Variants in SDK2 observed in about 807,000 individuals in gnomAD.
SDK2 encodes protein sidekick-2.
Under a neutral mutation model 253.9 loss-of-function variants are expected in SDK2, and 105 were observed. That is an observed-to-expected ratio of 0.41 (90% CI 0.35 to 0.49). The LOEUF (loss-of-function observed/expected upper bound fraction) is 0.49, where lower values mean the gene tolerates loss of function less well. Ranked by LOEUF, SDK2 falls within the 20% of genes least tolerant of loss-of-function variation. SDK2 has a pLI of 0.06. For synonymous variants in SDK2, 1,249 were observed against 1,234.9 expected (o/e 1.01, Z -0.24); for missense variants, 2,608 against 3,003.0 (o/e 0.87, Z 3.07).
chr17:73,537,378 C>A (rs1387478365), intron 1 of SDK2, among the ~76,000 whole-genome samples: 1 of 152,094 alleles, frequency 6.6e-6, no homozygotes, highest in African/African-American at 2.4e-5. Context: ...GGCTCACCTC[C>A]CCCTTCTGCC....
chr17:73,639,029 C>T lies in SDK2; in HGVS notation c.64+4996G>A, dbSNP rs1189925236. 6.6e-6 allele frequency among the ~76,000 whole-genome samples: 1 copy of T among 152,094 alleles called. No homozygotes were observed. Among genetic ancestry groups the T allele is most frequent in the Admixed American group, 6.5e-5 (1 of 15,270 alleles). ...TTCCCCACGTTGGCCAGGCTGGTCT[C>T]GAACTCCTGACCTCAAGTGATCTGC... On this transcript the variant is annotated intron_variant, in intron 1 of 44. Transcript: ENST00000392650. This position sits in a 1 kb window ranked among gnomAD's most constrained non-coding sequence, Gnocchi z 4.3.
intron 29 of SDK2, among the ~76,000 whole-genome samples, chr17:73,388,781 TC>T (rs2062897089): frequency 1.9e-5 from 1 of 53,066 alleles, no homozygotes; most frequent in Non-Finnish European, 4.8e-5. Context: ...TCTCCTTCCT[TC>T]CTTCCTTCCC....
chr17:73,477,200 A>G (rs745691234), intron 2 of SDK2, among the ~76,000 whole-genome samples: 3 of 151,762 alleles, frequency 2.0e-5, no homozygotes, highest in African/African-American at 7.3e-5. Context: ...ATTATCCCCA[A>G]TGCGCTCCCT....
chr17:73,348,925 C>A (rs9906342), intron 43 of SDK2, among the ~76,000 whole-genome samples, 200 bp from the exon 44 acceptor site: 115,158 of 152,162 alleles, frequency 0.76, 44,405 homozygotes, highest in East Asian at 0.84. Context: ...AAATGGGGTG[C>A]CCGGCTAATG....
At chr17:73,394,101 C>A (rs948322857) in intron 26 of SDK2, 108 bp downstream of exon 26, 4 of 616,588 alleles carry the variant, frequency 6.5e-6, no homozygotes, top group Admixed American at 3.4e-5. Flanking sequence ...TCCCCTGTAT[C>A]CACTCTAGGA....
At chr17:73,509,357 C>T (rs900023017) in intron 1 of SDK2, among the ~76,000 whole-genome samples, 7 of 152,298 alleles carry the variant, frequency 4.6e-5, no homozygotes, top group East Asian at 3.9e-4. Flanking sequence ...CCCTAAAGTA[C>T]GGTGTCCCCT....
intron 1 of SDK2, among the ~76,000 whole-genome samples, chr17:73,601,046 A>G (rs959392379): frequency 1.3e-5 from 2 of 149,304 alleles, no homozygotes; most frequent in Non-Finnish European, 3.0e-5. Context: ...TTGAGATGGC[A>G]TCTCACTCTG....
chr17:73,334,557 T>A lies in SDK2; in HGVS notation c.*4030A>T, dbSNP rs1045275934. ...TTTTCTTACAGACAGACACCTGCCA[T>A]AATGAATACTCTCCCCATAATTTTT... On this transcript the variant is annotated 3_prime_UTR_variant, in exon 45 of 45. Transcript: ENST00000392650. 1.3e-5 allele frequency: 2 copies of A among 152,234 alleles called. No individual in the cohort carries two copies. Among genetic ancestry groups the A allele is most frequent in the Admixed American group, 6.5e-5 (1 of 15,280 alleles). 9.4% of individuals were successfully genotyped at this position (152,234 alleles called of 1,614,324 possible). A position where few individuals can be genotyped will look rare whatever the true frequency, so the allele number is the denominator to read the frequency against.
intron 1 of SDK2, among the ~76,000 whole-genome samples, chr17:73,594,905 TAC>T (rs1008784942): frequency 6.6e-6 from 1 of 151,506 alleles, no homozygotes; most frequent in Non-Finnish European, 1.5e-5. Context: ...CATATACAAA[TAC>T]ACACAGCACA....
chr17:73,619,570 A>G (rs1357741915), intron 1 of SDK2, among the ~76,000 whole-genome samples: 1 of 152,234 alleles, frequency 6.6e-6, no homozygotes, highest in African/African-American at 2.4e-5. Context: ...CCTACCTCAC[A>G]TCATATACAA....
chr17:73,424,994 T>A (rs1467115779), intron 12 of SDK2, among the ~76,000 whole-genome samples: 3 of 152,060 alleles, frequency 2.0e-5, no homozygotes, highest in Admixed American at 6.5e-5. Flanking sequence ...CCGAGGTGGG[T>A]GTATCACCTG....
At chr17:73,434,942 C>T (rs1410679979) in intron 9 of SDK2, among the ~76,000 whole-genome samples, 1 of 140,024 alleles carries the variant, frequency 7.1e-6, no homozygotes, top group Non-Finnish European at 1.6e-5. Context: ...CAGTTATCAC[C>T]TTTGATTGCT....
chr17:73,421,977 C>T (rs2063235335), intron 15 of SDK2, among the ~76,000 whole-genome samples: 1 of 152,038 alleles, frequency 6.6e-6, no homozygotes, highest in Non-Finnish European at 1.5e-5. Context: ...ATCCATTTAA[C>T]AATGACAGCA....
intron 4 of SDK2, among the ~76,000 whole-genome samples, chr17:73,452,561 G>T (rs1261156467): frequency 1.3e-5 from 2 of 152,150 alleles, no homozygotes; most frequent in Admixed American, 1.3e-4. Context: ...TGAGGACAGA[G>T]GCTTGGAATG....
In SDK2 at chr17:73,580,271, C is replaced by T. The variant is rs551896010; in HGVS notation, c.64+63754G>A. 7.5e-4 allele frequency among the ~76,000 whole-genome samples: 114 copies of T among 152,380 alleles called. 1 individual carries two copies. The highest frequency in any genetic ancestry group is 6.8e-3 in the Middle Eastern group (2 of 294). ...TCCTCTCCCTCTTGGCACATACCAA[C>T]GTGTAATTACACAGCCTCTGCCAGG... On this transcript the variant is annotated intron_variant, in intron 1 of 44. Transcript: ENST00000392650.
Position 73,467,062 on chromosome 17 carries a change from C to G in SDK2, c.331+5050G>C, listed in dbSNP as rs1257223062. Among the ~76,000 whole-genome samples, 1 of 152,126 alleles carries G rather than the reference C, an allele frequency of 6.6e-6. No homozygotes were observed. Among genetic ancestry groups the G allele is most frequent in the Non-Finnish European group, 1.5e-5 (1 of 68,030 alleles). ...AGGTACTTTTCATCTACTCGTCCTG[C>G]TGAGAGCAAGGAAAACGATGTGATT... On this transcript the variant is annotated intron_variant, in intron 3 of 44. Coordinates refer to ENST00000392650, the MANE Select transcript of SDK2 (RefSeq NM_001144952.2). This position sits in a 1 kb window ranked among gnomAD's most constrained non-coding sequence, Gnocchi z 4.1.
intron 2 of SDK2, among the ~76,000 whole-genome samples, chr17:73,501,929 A>C (rs536131943): frequency 6.6e-6 from 1 of 152,238 alleles, no homozygotes; most frequent in South Asian, 2.1e-4. Flanking sequence ...CTAAGGTGAC[A>C]GAGCTAGCAG....
At position 73,606,162 on chromosome 17, in the gene SDK2, T is replaced by C. The variant is rs543641315; in HGVS notation, c.64+37863A>G. 6.6e-5 allele frequency among the ~76,000 whole-genome samples: 10 copies of C among 152,312 alleles called. No homozygotes were observed. The South Asian group carries it at 2.1e-3, about 32-fold the overall frequency. Reference sequence around the variant, plus strand: ...CCATGCTTGTTGCTTATTATTACTTTTTGCTTCACATCTTGACTAGCACAA... The same window carrying C: ...CCATGCTTGTTGCTTATTATTACTTCTTGCTTCACATCTTGACTAGCACAA... On this transcript the variant is annotated intron_variant, in intron 1 of 44. Coordinates refer to ENST00000392650, the MANE Select transcript of SDK2 (RefSeq NM_001144952.2).
intron 44 of SDK2, among the ~76,000 whole-genome samples, chr17:73,340,932 T>A (rs1276682586): frequency 6.6e-6 from 1 of 151,708 alleles, no homozygotes; most frequent in Non-Finnish European, 1.5e-5. Context: ...TTAGTAGAGA[T>A]GGGGTTTCGC....
Sources: gnomAD v4.1 joint callset for allele counts (sites outside exome capture counted in the v4.1 genomes callset) on GRCh38, gnomAD v4.1.1 for gene constraint, Gnocchi (gnomAD v3.1) non-coding constraint, MANE v1.5 for transcripts, NCBI Gene and HGNC (gene_info 2026-07-23, HGNC 2026-07-21) for gene names.